UNKL: variants seen among roughly 807,000 people sequenced by gnomAD.
The protein encoded by UNKL is unk like zinc finger, also known as putative E3 ubiquitin-protein ligase UNKL.
Under a neutral mutation model 78.0 loss-of-function variants are expected in UNKL, and 60 were observed. The observed-to-expected ratio is 0.77, with a 90% confidence interval of 0.63 to 0.95. The LOEUF is 0.95. Among genes scored for constraint, UNKL ranks in the 40% least tolerant of loss-of-function variants. UNKL has a pLI of 0.00. For missense variants in UNKL, 1,159 were observed against 1,045.7 expected, an observed-to-expected ratio of 1.11 and a Z score of -1.49; for synonymous variants, 608 against 474.8, an observed-to-expected ratio of 1.28 and a Z score of -3.65.
At chr16:1,377,490 AC>A (rs201006929) in intron 10 of UNKL, among the ~76,000 whole-genome samples, 7 of 148,428 alleles carry the variant, frequency 4.7e-5, no homozygotes, top group South Asian at 2.2e-4. Context: ...CAGAAAGGAG[AC>A]CCCCCCTCTG....
chr16:1,367,453 GCTGTGGCCCCCTCACCTGAGACCC>G, intron 13 of UNKL, 104 bp from the exon 14 acceptor site: 1 of 1,392,102 alleles, frequency 7.2e-7, no homozygotes, highest in South Asian at 1.4e-5. Context: ...CCCAGCATCA[GCTGTGGCCCCCTCACCTGAGACCC>G]CTGCGGCCCT....
intron 4 of UNKL, among the ~76,000 whole-genome samples, chr16:1,400,321 G>C (rs1056863447): frequency 1.3e-5 from 2 of 150,914 alleles, no homozygotes; most frequent in African/African-American, 4.9e-5. Flanking sequence ...AGGAGGCTGA[G>C]GCAGGAGAAT....
chr16:1,384,661 T>TA (rs2036739496), intron 10 of UNKL, among the ~76,000 whole-genome samples: 1 of 151,956 alleles, frequency 6.6e-6, no homozygotes, highest in Admixed American at 6.6e-5. Flanking sequence ...TACAGTGGTG[T>TA]AATCACAGCT....
intron 11 of UNKL, among the ~76,000 whole-genome samples, chr16:1,370,767 G>C (rs1028831658): frequency 5.4e-4 from 82 of 152,352 alleles, no homozygotes; most frequent in African/African-American, 1.9e-3. Context: ...TGAATGAAAA[G>C]ATGTTGTATA....
rs549240455 is a variant in UNKL at position 1,385,241 on chromosome 16, C to T, written c.1231G>A (p.Gly411Ser). 26 of 1,303,160 alleles carry T rather than the reference C, an allele frequency of 2.0e-5. No individual in the cohort carries two copies. The highest frequency in any genetic ancestry group is 3.1e-5 in the African/African-American group (2 of 64,630). 80.7% of individuals were successfully genotyped at this position (1,303,160 alleles called of 1,614,324 possible). A position where few individuals can be genotyped will look rare whatever the true frequency, so the allele number is the denominator to read the frequency against. The change falls in exon 10 of 15, where the codon GGC (glycine) becomes AGC (serine). Residue 411 changes from glycine (G) to serine (S), a missense_variant. Physicochemically the swap from Gly to Ser is moderately conservative, Grantham distance 56. Coordinates refer to ENST00000389221, the MANE Select transcript of UNKL (RefSeq NM_001372107.1). ...PAPPARALPL[G>S]PASSTVEAVL... is the part of the protein sequence containing the mutation. ...GCCTCCACAGTGCTGCTGGCGGGGC[C>T]GAGCGGGAGGGCACGGGCGGGGGGC...
rs1395408051 is a variant in UNKL, at chr16:1,367,233, C to T, written c.1905G>A (p.Gln635=). 2 of 1,597,304 alleles carry T rather than the reference C, an allele frequency of 1.3e-6. No homozygotes were observed. The highest frequency in any genetic ancestry group is 1.7e-6 in the Non-Finnish European group (2 of 1,175,124). ...CCAGGCCCTCCAGCTCCTCCTGCAGCTGCTTCACCTGTGCCTCCACCTCCT... is the reference window on the plus strand; with the variant it reads ...CCAGGCCCTCCAGCTCCTCCTGCAGTTGCTTCACCTGTGCCTCCACCTCCT... The part of the protein sequence containing the change: ...KKEEVEAQVK[Q]LQEELEGLGV... The change falls in exon 14 of 15, where the codon CAG becomes CAA. Residue 635 remains glutamine, a synonymous_variant. Transcript: ENST00000389221.
chr16:1,384,231 T>G (rs1261790820), intron 10 of UNKL, among the ~76,000 whole-genome samples: 5 of 145,468 alleles, frequency 3.4e-5, no homozygotes, highest in South Asian at 4.4e-4. Flanking sequence ...ACGGTGGGTG[T>G]CCCCCACCAC....
Position 1,399,153 on chromosome 16 carries a change from A to C in UNKL, c.734+221T>G. ...GGGCCCCGGTAGGGGACTGCATGGG[A>C]GACACTGAGCGTAGGTGGGGAGGCC... is the stretch of plus-strand genomic sequence containing the variant. On this transcript the variant is annotated intron_variant, in intron 5 of 14. Coordinates refer to ENST00000389221, the MANE Select transcript of UNKL (RefSeq NM_001372107.1). This position sits in a 1 kb window ranked among gnomAD's most constrained non-coding sequence, Gnocchi z 5.8. 9.0e-7 allele frequency: 1 copy of C among 1,109,092 alleles called. No individual in the cohort carries two copies. The highest frequency in any genetic ancestry group is 1.2e-6 in the Non-Finnish European group (1 of 806,004). 68.7% of individuals were successfully genotyped at this position (1,109,092 alleles called of 1,614,324 possible).
At chr16:1,406,265 T>C (rs1596766397) in intron 2 of UNKL, among the ~76,000 whole-genome samples, 1 of 150,834 alleles carries the variant, frequency 6.6e-6, no homozygotes, top group Non-Finnish European at 1.5e-5. Flanking sequence ...CAGGCCGGAG[T>C]GCAGTGGCAC....
At chr16:1,401,533 CCCA>C (rs780162372) in intron 4 of UNKL, 32 bp downstream of exon 4, 92 of 1,486,438 alleles carry the variant, frequency 6.2e-5, no homozygotes, top group Middle Eastern at 1.9e-4. Context: ...GCCCGCCCCC[CCCA>C]CCACCGCCCT....
rs2036860784 is a variant in UNKL at position 1,387,459 on chromosome 16, CA to C, written c.1087-2075del. Among the ~76,000 whole-genome samples, 1 of 152,204 alleles carries C rather than the reference CA, an allele frequency of 6.6e-6. No individual in the cohort carries two copies. Among genetic ancestry groups the C allele is most frequent in the Non-Finnish European group, 1.5e-5 (1 of 68,034 alleles). ...AGGAAGGCTGAGAAGGACCTCTTGA[CA>C]GACGTTCTGGTGACCAGACATCCAG... On this transcript the variant is annotated intron_variant, in intron 9 of 14. Coordinates refer to ENST00000389221, the MANE Select transcript of UNKL (RefSeq NM_001372107.1). This position sits in a 1 kb window ranked among gnomAD's most constrained non-coding sequence, Gnocchi z 4.1.
chr16:1,371,705 G>GA, intron 10 of UNKL, 94 bp from the exon 11 acceptor site: 1 of 1,317,624 alleles, frequency 7.6e-7, no homozygotes, highest in South Asian at 1.4e-5. Flanking sequence ...CCTGGGCTTA[G>GA]AGTGAGACCA....
chr16:1,391,901 C>T (rs891557266), intron 8 of UNKL, among the ~76,000 whole-genome samples: 13 of 151,458 alleles, frequency 8.6e-5, no homozygotes, highest in South Asian at 2.1e-4. Flanking sequence ...TTCATCAGGC[C>T]GGTCTCGAAC....
intron 5 of UNKL, chr16:1,398,891 G>T: frequency 6.4e-7 from 1 of 1,573,328 alleles, no homozygotes. Flanking sequence ...GGCGACCCTT[G>T]GGTTGTTGGC....
At chr16:1,383,083 C>T (rs1018256450) in intron 10 of UNKL, among the ~76,000 whole-genome samples, 2 of 149,078 alleles carry the variant, frequency 1.3e-5, no homozygotes, top group Middle Eastern at 3.2e-3. Context: ...TATGGTAAAA[C>T]CCGATCTCTA....
rs150948487 is a variant in UNKL, at chr16:1,396,479, T to C, written c.852+699A>G. 1.7e-3 allele frequency among the ~76,000 whole-genome samples: 255 copies of C among 150,154 alleles called. 2 individuals are homozygous for C. The highest frequency in any genetic ancestry group is 5.4e-3 in the African/African-American group (220 of 40,808). On this transcript the variant is annotated intron_variant, in intron 6 of 14. Transcript: ENST00000389221. ...TTTTGGTATTTTTAGTACAGACATGTTGACCAGGCTGGTTTCGAACCCCTG... is the reference window on the plus strand; with the variant it reads ...TTTTGGTATTTTTAGTACAGACATGCTGACCAGGCTGGTTTCGAACCCCTG...
intron 13 of UNKL, 99 bp from the exon 14 acceptor site, chr16:1,367,448 C>T (rs2035376072): frequency 1.4e-6 from 2 of 1,450,682 alleles, no homozygotes; most frequent in African/African-American, 1.4e-5. Context: ...CCCTCCCCAG[C>T]ATCAGCTGTG....
rs1004309349 is a variant in UNKL at position 1,403,527 on chromosome 16, G to A, written c.288-183C>T. ...AGCACCTGTCCCCAAATGTGGAACC[G>A]CCCAGGTACACAGACCACCGCAAAC... is the stretch of plus-strand genomic sequence containing the variant. On this transcript the variant is annotated intron_variant, in intron 2 of 14. Coordinates refer to ENST00000389221, the MANE Select transcript of UNKL (RefSeq NM_001372107.1). The surrounding 1 kb of genome is among the most constrained non-coding windows in gnomAD (Gnocchi z 4.8). 6.6e-6 allele frequency among the ~76,000 whole-genome samples: 1 copy of A among 151,984 alleles called. No individual in the cohort carries two copies. The highest frequency in any genetic ancestry group is 2.1e-4 in the South Asian group (1 of 4,806).
Position 1,367,841 on chromosome 16 carries a change from CG to C in UNKL, c.1602del (p.Ser536AlafsTer18), listed in dbSNP as rs1317689570. The C allele has an allele frequency of 4.5e-6, 7 of 1,571,016 alleles. No homozygotes were observed. On this transcript the variant is annotated frameshift_variant, in exon 13 of 15. Transcript: ENST00000389221. LOFTEE classifies it high-confidence loss of function. The stretch of plus-strand genomic sequence containing the variant: ...CCGGAAACAAAGTCCCAGATGCTCC[CG>C]GGGACACCGTTCAAACCTGAGTGTG... ...SYSPLGLNGV[P>X]GSIWDFVSGS...
Sources: gnomAD v4.1 joint callset for allele counts (sites outside exome capture counted in the v4.1 genomes callset) on GRCh38, gnomAD v4.1.1 for gene constraint, Gnocchi (gnomAD v3.1) non-coding constraint, MANE v1.5 for transcripts, NCBI Gene and HGNC (gene_info 2026-07-23, HGNC 2026-07-21) for gene names.